The following OR3A2 variants were observed in gnomAD, a reference collection of about 807,000 sequenced individuals.
OR3A2 encodes olfactory receptor family 3 subfamily A member 2, also known as olfactory receptor 3A2.
For synonymous variants in OR3A2, 126 were observed against 159.3 expected, an observed-to-expected ratio of 0.79 and a Z score of 1.57; for missense variants, 318 against 392.8, an observed-to-expected ratio of 0.81 and a Z score of 1.61.
At chr17:3,296,764 T>G (rs1007834738) in intron 3 of OR3A2, among the ~76,000 whole-genome samples, 16 of 152,236 alleles carry the variant, frequency 1.1e-4, no homozygotes, top group African/African-American at 3.9e-4. Flanking sequence ...CTAATTACTA[T>G]GGGAAAAAGA....
At chr17:3,323,193 G>A (rs1452935524) in intron 3 of OR3A2, among the ~76,000 whole-genome samples, 1 of 152,046 alleles carries the variant, frequency 6.6e-6, no homozygotes, top group Non-Finnish European at 1.5e-5. Context: ...TGCAACCCCT[G>A]CCTTTTTCTG....
intron 3 of OR3A2, chr17:3,310,949 C>T: frequency 1.7e-6 from 1 of 579,352 alleles, no homozygotes; most frequent in Non-Finnish European, 3.4e-6. Context: ...GTGTGGCCCC[C>T]TTGGTCCTCA....
intron 2 of OR3A2, 100 bp from the exon 2 acceptor site, chr17:3,336,226 C>A (rs771224818): frequency 6.6e-6 from 1 of 152,182 alleles, no homozygotes; most frequent in Non-Finnish European, 1.5e-5. Flanking sequence ...TAAAACTGAA[C>A]AACTCACAGT....
At chr17:3,300,559 AAAAT>A (rs1344932294) in intron 3 of OR3A2, among the ~76,000 whole-genome samples, 1 of 152,110 alleles carries the variant, frequency 6.6e-6, no homozygotes, top group Non-Finnish European at 1.5e-5. Flanking sequence ...AATCGGTCTC[AAAAT>A]AAATAAATTA....
chr17:3,340,906 C>G (rs1445918616), intron 2 of OR3A2, among the ~76,000 whole-genome samples: 4 of 152,176 alleles, frequency 2.6e-5, no homozygotes, highest in Non-Finnish European at 5.9e-5. Flanking sequence ...GTCTAAGTCT[C>G]TTTGTAGATC....
At chr17:3,295,971 C>T (rs962718027) in intron 3 of OR3A2, among the ~76,000 whole-genome samples, 1 of 152,102 alleles carries the variant, frequency 6.6e-6, no homozygotes, top group Non-Finnish European at 1.5e-5. Context: ...ATTTTAGTGA[C>T]TTTCAGTCCA....
chr17:3,283,794 C>T (rs2048791485), intron 1 of OR3A2, among the ~76,000 whole-genome samples: 1 of 151,768 alleles, frequency 6.6e-6, no homozygotes, highest in Non-Finnish European at 1.5e-5. Context: ...CCACACCTTA[C>T]AGACAAGTAA....
chr17:3,359,479 T>C (rs941110525), intron 2 of OR3A2, among the ~76,000 whole-genome samples: 1 of 151,748 alleles, frequency 6.6e-6, no homozygotes, highest in African/African-American at 2.4e-5. Flanking sequence ...TGGTGATGAA[T>C]TCCCTCAATA....
chr17:3,340,993 T>C (rs915171559), intron 2 of OR3A2, among the ~76,000 whole-genome samples: 4 of 152,210 alleles, frequency 2.6e-5, no homozygotes, highest in African/African-American at 9.6e-5. Context: ...CTCTTCTTGT[T>C]GAATTGATCC....
At chr17:3,326,294 G>C (rs1261090034) in intron 3 of OR3A2, among the ~76,000 whole-genome samples, 1 of 151,896 alleles carries the variant, frequency 6.6e-6, no homozygotes, top group Non-Finnish European at 1.5e-5. Flanking sequence ...CTATTCATTT[G>C]GGTTTATACC....
intron 3 of OR3A2, among the ~76,000 whole-genome samples, chr17:3,302,810 G>A (rs1227286964): frequency 6.6e-6 from 1 of 152,118 alleles, no homozygotes; most frequent in African/African-American, 2.4e-5. Flanking sequence ...CATGCACTGT[G>A]TGAGCCTAGG....
At chr17:3,330,865 C>T (rs1171827010) in intron 3 of OR3A2, among the ~76,000 whole-genome samples, 1 of 151,876 alleles carries the variant, frequency 6.6e-6, no homozygotes, top group Non-Finnish European at 1.5e-5. Context: ...TGTTCCTTTC[C>T]ATGTTTAGCA....
Position 3,342,167 on chromosome 17 carries a change from A to C in OR3A2, c.-178-6041T>G, listed in dbSNP as rs548232727. Among the ~76,000 whole-genome samples the C allele has an allele frequency of 4.5e-4, 69 of 152,254 alleles. No individual in the cohort carries two copies. The South Asian group carries it at 0.014, about 31-fold the overall frequency. ...GTTTATTCTAGTTAGCCATTTGTCT[A>C]ATCTTTTTTCAAGGTTTTTAGCTTC... On this transcript the variant is annotated intron_variant, in intron 2 of 4. Transcript: ENST00000573491.
At chr17:3,369,536 T>C (rs1025207598) in intron 2 of OR3A2, among the ~76,000 whole-genome samples, 1 of 152,236 alleles carries the variant, frequency 6.6e-6, no homozygotes, top group Non-Finnish European at 1.5e-5. Flanking sequence ...TATTCATTTA[T>C]TGACTTATGT....
At chr17:3,333,576 G>A (rs923820866) in intron 3 of OR3A2, among the ~76,000 whole-genome samples, 2 of 152,082 alleles carry the variant, frequency 1.3e-5, no homozygotes, top group Admixed American at 6.6e-5. Flanking sequence ...TGTCACCCTC[G>A]GAGGCCCAGC....
At chr17:3,318,909 T>C (rs2049097406) in intron 3 of OR3A2, among the ~76,000 whole-genome samples, 1 of 152,320 alleles carries the variant, frequency 6.6e-6, no homozygotes, top group Middle Eastern at 3.4e-3. Context: ...ATCCTTACAA[T>C]GTGATCAGTG....
chr17:3,326,113 C>T (rs184991004), intron 3 of OR3A2, among the ~76,000 whole-genome samples: 2 of 152,208 alleles, frequency 1.3e-5, no homozygotes, highest in Non-Finnish European at 2.9e-5. Context: ...CTGCAAAGGA[C>T]AGGATCTCAT....
intron 3 of OR3A2, among the ~76,000 whole-genome samples, chr17:3,331,513 C>T (rs2049234073): frequency 6.6e-6 from 1 of 151,668 alleles, no homozygotes; most frequent in Non-Finnish European, 1.5e-5. Context: ...GCATCGGCTC[C>T]TGAGGCTTCT....
chr17:3,303,976 T>TAC (rs148876618), intron 3 of OR3A2, among the ~76,000 whole-genome samples: 24,423 of 129,192 alleles, frequency 0.19, 2,894 homozygotes, highest in African/African-American at 0.37. Context: ...TATATATATA[T>TAC]ACTAATTATT....
Sources: allele counts gnomAD v4.1 joint callset (sites outside exome capture counted in the v4.1 genomes callset), GRCh38; gene constraint gnomAD v4.1.1; transcripts MANE v1.5; gene names NCBI Gene and HGNC (gene_info 2026-07-23, HGNC 2026-07-21).